OPCML: variants seen among roughly 807,000 people sequenced by gnomAD.
OPCML encodes the protein opioid-binding protein/cell adhesion molecule.
Under a neutral mutation model 37.8 loss-of-function variants are expected in OPCML, and 13 were observed. The ratio of observed to expected loss-of-function variants is 0.34; its 90% confidence interval spans 0.22 to 0.55. The LOEUF is 0.55. OPCML is among the 20% of genes least tolerant of loss of function. OPCML has a pLI of 0.91. For missense variants in OPCML, 341 were observed against 435.6 expected (o/e 0.78, Z 1.93); for synonymous variants, 176 against 168.8 (o/e 1.04, Z -0.33).
At chr11:132,549,974 C>T (rs1426827313) in intron 3 of OPCML, among the ~76,000 whole-genome samples, 3 of 152,126 alleles carry the variant, frequency 2.0e-5, no homozygotes, top group African/African-American at 4.8e-5. Context: ...TCCTGGTGCT[C>T]GATAACAAAC....
At chr11:133,469,253 T>C (rs1947048638) in intron 1 of OPCML, among the ~76,000 whole-genome samples, 1 of 152,216 alleles carries the variant, frequency 6.6e-6, no homozygotes. Context: ...GGTCTCATAA[T>C]ATTATAATAT....
chr11:132,507,502 T>C (rs1352794835), intron 4 of OPCML, among the ~76,000 whole-genome samples: 3 of 151,958 alleles, frequency 2.0e-5, no homozygotes, highest in African/African-American at 7.2e-5. Flanking sequence ...CATAAATATC[T>C]ATAAACTTGA....
intron 4 of OPCML, among the ~76,000 whole-genome samples, chr11:132,453,715 G>A (rs953552985): frequency 6.6e-6 from 1 of 152,174 alleles, no homozygotes; most frequent in Non-Finnish European, 1.5e-5. Context: ...CGTGGGGCTG[G>A]TACAAAGAAA....
intron 1 of OPCML, among the ~76,000 whole-genome samples, chr11:133,118,748 G>A (rs770922538): frequency 6.6e-6 from 1 of 152,026 alleles, no homozygotes; most frequent in Non-Finnish European, 1.5e-5. Context: ...TTGAGGTGGC[G>A]GAGGCAGGAA....
chr11:133,326,432 G>C (rs575361364), intron 1 of OPCML, among the ~76,000 whole-genome samples: 34 of 143,318 alleles, frequency 2.4e-4, no homozygotes, highest in Non-Finnish European at 4.7e-4. Context: ...CATGTGTGTG[G>C]GTGCGTGTAT....
Position 132,943,196 on chromosome 11 carries a change from G to T in OPCML, c.62-186C>A, listed in dbSNP as rs940499854. The stretch of plus-strand genomic sequence containing the variant: ...AAGCGGTGCGGGGAGGAGGGAAGGG[G>T]CAGAGTTCGCCAGGAGCAGGGGGAA... On this transcript the variant is annotated intron_variant, in intron 1 of 7. Coordinates refer to ENST00000524381, the MANE Select transcript of OPCML (RefSeq NM_001012393.5). This position sits in a 1 kb window ranked among gnomAD's most constrained non-coding sequence, Gnocchi z 4.3. The T allele has an allele frequency of 6.5e-7, 1 of 1,548,184 alleles. No individual in the cohort carries two copies. Among genetic ancestry groups the T allele is most frequent in the Non-Finnish European group, 8.8e-7 (1 of 1,136,798 alleles).
intron 2 of OPCML, among the ~76,000 whole-genome samples, chr11:132,926,816 A>G (rs2136612147): frequency 6.6e-6 from 1 of 151,448 alleles, no homozygotes. Context: ...GAAAAACATA[A>G]GAAATAATAA....
At chr11:132,459,638 C>T (rs1270942289) in intron 4 of OPCML, among the ~76,000 whole-genome samples, 1 of 151,118 alleles carries the variant, frequency 6.6e-6, no homozygotes, top group South Asian at 2.1e-4. Flanking sequence ...CTTTTTTGCT[C>T]CACATATCAT....
At chr11:132,958,191 A>G (rs1338064074) in intron 1 of OPCML, among the ~76,000 whole-genome samples, 1 of 152,254 alleles carries the variant, frequency 6.6e-6, no homozygotes. Flanking sequence ...TGTTGCTGAC[A>G]CAGAGAAGGT....
intron 2 of OPCML, among the ~76,000 whole-genome samples, chr11:132,658,324 G>A (rs1161223825): frequency 6.6e-6 from 1 of 152,212 alleles, no homozygotes; most frequent in African/African-American, 2.4e-5. Context: ...GGAGAACACG[G>A]GGAATAGGCA....
chr11:132,484,629 T>C (rs577422070), intron 4 of OPCML, among the ~76,000 whole-genome samples: 1 of 152,254 alleles, frequency 6.6e-6, no homozygotes, highest in Non-Finnish European at 1.5e-5. Flanking sequence ...CTATGTTTAT[T>C]GCGGCATTAT....
At chr11:132,703,466 C>T (rs1943910672) in intron 2 of OPCML, among the ~76,000 whole-genome samples, 1 of 152,130 alleles carries the variant, frequency 6.6e-6, no homozygotes, top group Admixed American at 6.5e-5. Flanking sequence ...CTGATATTTG[C>T]AATCCTTGTT....
chr11:132,999,117 G>A (rs1190958629), intron 1 of OPCML, among the ~76,000 whole-genome samples: 1 of 152,154 alleles, frequency 6.6e-6, no homozygotes. Flanking sequence ...AAAATGCTGT[G>A]GGACTAGTTC....
At chr11:132,573,451 GTATT>G (rs1251640222) in intron 3 of OPCML, among the ~76,000 whole-genome samples, 2 of 151,938 alleles carry the variant, frequency 1.3e-5, no homozygotes, top group African/African-American at 4.8e-5. Flanking sequence ...TGTGTTGAGA[GTATT>G]TATCACGAAA....
chr11:133,231,529 G>C lies in OPCML; in HGVS notation c.62-288519C>G, dbSNP rs538413348. 2.6e-5 allele frequency among the ~76,000 whole-genome samples: 4 copies of C among 152,256 alleles called. No individual in the cohort carries two copies. In the South Asian group the frequency reaches 6.2e-4, roughly 24 times the overall value. ...GGGCAGAGCTCTCCTGAGATCCCAA[G>C]TTGAAAATGGCATCATCTCCCATCT... On this transcript the variant is annotated intron_variant, in intron 1 of 7. Transcript: ENST00000524381.
rs1486368027 is a variant in OPCML, at chr11:133,234,912, T to A, written c.62-291902A>T. ...CAGGCTCGTCTCTGGCCAAGCCTAT[T>A]TCCATGGTGCGGATGGTCTGTTGGC... On this transcript the variant is annotated intron_variant, in intron 1 of 7. Coordinates refer to ENST00000524381, the MANE Select transcript of OPCML (RefSeq NM_001012393.5). Among the ~76,000 whole-genome samples the A allele has an allele frequency of 2.0e-5, 3 of 152,176 alleles. No individual in the cohort carries two copies. The South Asian group carries it at 6.2e-4, about 32-fold the overall frequency.
intron 1 of OPCML, among the ~76,000 whole-genome samples, chr11:133,162,613 G>A (rs1950160027): frequency 6.6e-6 from 1 of 152,146 alleles, no homozygotes; most frequent in Non-Finnish European, 1.5e-5. Context: ...CCGATTTGGT[G>A]GTAAACAGGG....
At chr11:132,905,932 G>A (rs1309516948) in intron 2 of OPCML, among the ~76,000 whole-genome samples, 2 of 152,180 alleles carry the variant, frequency 1.3e-5, no homozygotes, top group Non-Finnish European at 2.9e-5. Context: ...AATTAATGAT[G>A]CATGTCTTAG....
At chr11:133,461,885 A>G (rs529538511) in intron 1 of OPCML, among the ~76,000 whole-genome samples, 1 of 152,056 alleles carries the variant, frequency 6.6e-6, no homozygotes, top group African/African-American at 2.4e-5. Flanking sequence ...AAAACTTACT[A>G]TAAAGCTTTG....
Sources: allele counts gnomAD v4.1 joint callset (sites outside exome capture counted in the v4.1 genomes callset), GRCh38; gene constraint gnomAD v4.1.1; non-coding constraint Gnocchi (gnomAD v3.1); transcripts MANE v1.5; gene names NCBI Gene and HGNC (gene_info 2026-07-23, HGNC 2026-07-21).